The following SERPINB7 variants were observed in gnomAD, a reference collection of about 807,000 sequenced individuals.
SERPINB7 encodes the protein serpin family B member 7.
In SERPINB7, 31 loss-of-function variants were observed where a neutral mutation model predicts 37.4. The ratio of observed to expected loss-of-function variants is 0.83; its 90% confidence interval spans 0.62 to 1.12. The LOEUF (loss-of-function observed/expected upper bound fraction) is 1.12. SERPINB7 is among the 50% of genes most tolerant of loss of function. SERPINB7 has a pLI of 0.00. For synonymous variants in SERPINB7, 163 were observed against 166.1 expected (o/e 0.98, Z 0.14); for missense variants, 521 against 455.3 (o/e 1.14, Z -1.31).
intron 1 of SERPINB7, among the ~76,000 whole-genome samples, chr18:63,758,491 C>T (rs1425317009): frequency 6.6e-6 from 1 of 152,164 alleles, no homozygotes; most frequent in Non-Finnish European, 1.5e-5. Context: ...AATCTACCCA[C>T]GTGTAGAAAC....
intron 2 of SERPINB7, among the ~76,000 whole-genome samples, chr18:63,788,219 G>C (rs761078088): frequency 6.6e-6 from 1 of 152,220 alleles, no homozygotes; most frequent in Non-Finnish European, 1.5e-5. Flanking sequence ...GGATATGATG[G>C]TGCCATGCGT....
chr18:63,791,305 T>C (rs1183004885), intron 2 of SERPINB7, among the ~76,000 whole-genome samples: 1 of 152,140 alleles, frequency 6.6e-6, no homozygotes, highest in Admixed American at 6.6e-5. Flanking sequence ...TAAATAAATA[T>C]TTTTTAAAAA....
chr18:63,800,341 C>A (rs1411689329), intron 6 of SERPINB7, among the ~76,000 whole-genome samples: 1 of 152,062 alleles, frequency 6.6e-6, no homozygotes, highest in Non-Finnish European at 1.5e-5. Flanking sequence ...GGATTACAGG[C>A]ATGAGCCACA....
intron 1 of SERPINB7, among the ~76,000 whole-genome samples, chr18:63,759,248 A>T (rs1486184798): frequency 7.4e-6 from 1 of 135,420 alleles, no homozygotes; most frequent in African/African-American, 3.0e-5. Flanking sequence ...ATCTGAATTA[A>T]AAAAAAAAAA....
intron 1 of SERPINB7, among the ~76,000 whole-genome samples, chr18:63,755,398 G>A (rs1463328498): frequency 6.6e-6 from 1 of 152,040 alleles, no homozygotes; most frequent in Non-Finnish European, 1.5e-5. Flanking sequence ...GCATGAATAG[G>A]GACAAAAATT....
chr18:63,792,825 T>C (rs1334975178), intron 3 of SERPINB7, among the ~76,000 whole-genome samples: 2 of 152,232 alleles, frequency 1.3e-5, no homozygotes, highest in East Asian at 3.8e-4. Flanking sequence ...TGGCCATATT[T>C]GGGCAAGAAA....
chr18:63,804,640 C>G lies in SERPINB7; in HGVS notation c.*5C>G, dbSNP rs771675215. On this transcript the variant is annotated 3_prime_UTR_variant, in exon 8 of 8. Transcript: ENST00000398019. ...GGCAAAGTTTCTTGCCCTTGAAAATCCAATTGGTTTCTGTTATAGCAGTCC... is the reference window on the plus strand; with the variant it reads ...GGCAAAGTTTCTTGCCCTTGAAAATGCAATTGGTTTCTGTTATAGCAGTCC... 1.3e-6 allele frequency: 2 copies of G among 1,599,290 alleles called. No individual in the cohort carries two copies. The highest frequency in any genetic ancestry group is 1.7e-6 in the Non-Finnish European group (2 of 1,172,544).
At chr18:63,783,230 G>A (rs60337977) in intron 2 of SERPINB7, among the ~76,000 whole-genome samples, 1,288 of 61,908 alleles carry the variant, frequency 0.021, 88 homozygotes, top group African/African-American at 0.065. Context: ...GAGAGAGAGA[G>A]AGAGAAAGAA....
intron 5 of SERPINB7, among the ~76,000 whole-genome samples, chr18:63,797,011 C>T (rs1455395613): frequency 6.6e-6 from 1 of 152,110 alleles, no homozygotes; most frequent in Admixed American, 6.5e-5. Flanking sequence ...AAGGTAGTAC[C>T]TTCCAGAAAA....
Position 63,798,586 on chromosome 18 carries a change from C to CT in SERPINB7, c.455-18_455-17insT. ...TATATTAAAATAAACATTTTTCCCT[C>CT]AATTTTTTTTTCAAAAGGCAAAATC... is the stretch of plus-strand genomic sequence containing the variant. On this transcript the variant is annotated splice_polypyrimidine_tract_variant and intron_variant, in intron 5 of 7. Transcript: ENST00000398019. The CT allele has an allele frequency of 6.6e-7, 1 of 1,511,876 alleles. No individual in the cohort carries two copies. The highest frequency in any genetic ancestry group is 8.8e-7 in the Non-Finnish European group (1 of 1,137,264). 93.7% of individuals were successfully genotyped at this position (1,511,876 alleles called of 1,614,324 possible).
chr18:63,781,409 G>A (rs1181107510), intron 1 of SERPINB7, among the ~76,000 whole-genome samples: 2 of 152,178 alleles, frequency 1.3e-5, no homozygotes, highest in African/African-American at 4.8e-5. Flanking sequence ...TCCCCTAAGG[G>A]TTTGTGACTC....
intron 7 of SERPINB7, among the ~76,000 whole-genome samples, chr18:63,803,148 G>C (rs932911002): frequency 1.3e-5 from 2 of 151,940 alleles, no homozygotes; most frequent in African/African-American, 2.4e-5. Context: ...GTTTGAATCT[G>C]ACTATTATAA....
intron 1 of SERPINB7, chr18:63,778,264 G>T (rs1286292946): frequency 6.6e-6 from 1 of 152,018 alleles, no homozygotes; most frequent in Non-Finnish European, 1.5e-5. Flanking sequence ...AATTTGATTA[G>T]AGGTTGATCA....
chr18:63,764,142 A>T (rs1016129749), intron 1 of SERPINB7, among the ~76,000 whole-genome samples: 1 of 152,190 alleles, frequency 6.6e-6, no homozygotes, highest in African/African-American at 2.4e-5. Context: ...TTGAATTCTT[A>T]TAAGTGATTG....
intron 2 of SERPINB7, 94 bp downstream of exon 2, chr18:63,782,634 C>G (rs2049312902): frequency 1.6e-6 from 2 of 1,238,970 alleles, no homozygotes; most frequent in African/African-American, 3.0e-5. Context: ...TGGAGGTCAT[C>G]ATGAGGCACA....
At chr18:63,755,097 G>C (rs1190171257) in intron 1 of SERPINB7, among the ~76,000 whole-genome samples, 2 of 151,796 alleles carry the variant, frequency 1.3e-5, no homozygotes, top group Admixed American at 1.3e-4. Context: ...GTAGAGACGG[G>C]GTTTCACCTT....
intron 3 of SERPINB7, among the ~76,000 whole-genome samples, chr18:63,792,757 T>C (rs1411027162): frequency 6.6e-6 from 1 of 152,250 alleles, no homozygotes; most frequent in Non-Finnish European, 1.5e-5. Flanking sequence ...ATTTTTCAAG[T>C]AAAATTTTTG....
At chr18:63,763,844 G>A (rs1212198261) in intron 1 of SERPINB7, among the ~76,000 whole-genome samples, 1 of 152,076 alleles carries the variant, frequency 6.6e-6, no homozygotes, top group Non-Finnish European at 1.5e-5. Context: ...ACTAAATCAA[G>A]GAAATTTCTA....
chr18:63,787,066 T>A (rs2049380888), intron 2 of SERPINB7, among the ~76,000 whole-genome samples: 1 of 152,192 alleles, frequency 6.6e-6, no homozygotes, highest in Non-Finnish European at 1.5e-5. Context: ...ATACAACCTA[T>A]ACATATAGCA....
Sources: gnomAD v4.1 joint callset for allele counts (sites outside exome capture counted in the v4.1 genomes callset) on GRCh38, gnomAD v4.1.1 for gene constraint, MANE v1.5 for transcripts, NCBI Gene and HGNC (gene_info 2026-07-23, HGNC 2026-07-21) for gene names.